DYNC2H1: variants seen among roughly 807,000 people sequenced by gnomAD.
DYNC2H1 encodes cytoplasmic dynein 2 heavy chain 1.
In DYNC2H1, 410 loss-of-function variants were observed where a neutral mutation model predicts 570.0. The observed-to-expected ratio is 0.72, with a 90% CI of 0.66 to 0.78. The LOEUF (loss-of-function observed/expected upper bound fraction) is 0.78, where lower values mean the gene tolerates loss of function less well. Ranked by LOEUF, DYNC2H1 falls within the 30% of genes least tolerant of loss-of-function variation. The pLI, the probability that DYNC2H1 is intolerant of heterozygous loss-of-function variation, is 0.00. For missense variants in DYNC2H1, 4,865 were observed against 5,046.4 expected (o/e 0.96, Z 1.09); for synonymous variants, 1,688 against 1,677.6 (o/e 1.01, Z -0.15).
chr11:103,358,242 G>C lies in DYNC2H1; in HGVS notation c.12040-1G>C. On this transcript the variant is annotated splice_acceptor_variant, in intron 82 of 88. Coordinates refer to ENST00000375735, the MANE Select transcript of DYNC2H1 (RefSeq NM_001377.3). LOFTEE classifies it high-confidence loss of function. Reference sequence around the variant, plus strand: ...TTGATACTTATTATTTTTTTATTCAGGTTATTTCACAGTTGAGGATTTTGG... The same window carrying C: ...TTGATACTTATTATTTTTTTATTCACGTTATTTCACAGTTGAGGATTTTGG... The C allele has an allele frequency of 6.5e-7, 1 of 1,529,292 alleles. No individual in the cohort carries two copies. Among genetic ancestry groups the C allele is most frequent in the South Asian group, 1.2e-5 (1 of 81,358 alleles). The allele number at this position is 1,529,292 out of a possible 1,614,324, so 94.7% of individuals were successfully genotyped here. A position where few individuals can be genotyped will look rare whatever the true frequency, so the allele number is the denominator to read the frequency against.
At chr11:103,273,980 A>G (rs1367362203) in intron 70 of DYNC2H1, among the ~76,000 whole-genome samples, 1 of 152,118 alleles carries the variant, frequency 6.6e-6, no homozygotes, top group African/African-American at 2.4e-5. Context: ...CAATTAGTTT[A>G]CTGACTCCAG....
chr11:103,290,685 C>T (rs1312587493), intron 75 of DYNC2H1, among the ~76,000 whole-genome samples: 1 of 152,116 alleles, frequency 6.6e-6, no homozygotes, highest in Non-Finnish European at 1.5e-5. Flanking sequence ...TGCCCCCCTA[C>T]TCCTATCTCT....
At chr11:103,111,369 C>G (rs1449609319) in intron 1 of DYNC2H1, among the ~76,000 whole-genome samples, 1 of 152,188 alleles carries the variant, frequency 6.6e-6, no homozygotes, top group Non-Finnish European at 1.5e-5. Flanking sequence ...ATTTAATAGC[C>G]ATAACGACAT....
In DYNC2H1 at chr11:103,109,583, C is replaced by A; in HGVS notation, c.9C>A (p.Asn3Lys). Reference sequence around the variant, plus strand: ...CTCCACCCCTTCCAATCATGGCGAACGGGACTGCGGACGTTCGGAAGCTCT... The same window carrying A: ...CTCCACCCCTTCCAATCATGGCGAAAGGGACTGCGGACGTTCGGAAGCTCT... MA[N>K]GTADVRKLFI... Residue 3 changes from asparagine (N) to lysine (K), a missense_variant, in exon 1 of 89, where the codon AAC (asparagine) becomes AAA (lysine). Asn to Lys is a moderately conservative substitution (Grantham distance 94). Coordinates refer to ENST00000375735, the MANE Select transcript of DYNC2H1 (RefSeq NM_001377.3). 1 of 1,613,526 alleles carries A rather than the reference C, an allele frequency of 6.2e-7. No homozygotes were observed. The highest frequency in any genetic ancestry group is 8.5e-7 in the Non-Finnish European group (1 of 1,179,668).
intron 88 of DYNC2H1, among the ~76,000 whole-genome samples, chr11:103,474,902 T>C (rs1317031228): frequency 6.6e-6 from 1 of 152,158 alleles, no homozygotes; most frequent in Non-Finnish European, 1.5e-5. Context: ...AAAATTGCAT[T>C]GTCTTCTTTC....
At chr11:103,393,913 A>G (rs1942281505) in intron 83 of DYNC2H1, among the ~76,000 whole-genome samples, 1 of 152,136 alleles carries the variant, frequency 6.6e-6, no homozygotes, top group Non-Finnish European at 1.5e-5. Context: ...AGATTTCATG[A>G]GACTTATTCA....
Position 103,303,132 on chromosome 11 carries a change from G to A in DYNC2H1, c.11135G>A (p.Arg3712His), listed in dbSNP as rs756326880. The A allele has an allele frequency of 5.0e-6, 8 of 1,606,840 alleles. No homozygotes were observed. Among genetic ancestry groups the A allele is most frequent in the South Asian group, 3.3e-5 (3 of 89,904 alleles). Residue 3712 changes from arginine to histidine, a missense_variant, in exon 76 of 89, where the codon CGT (arginine) becomes CAT (histidine). By Grantham distance (29) the Arg-to-His change is conservative. Around this residue, in one of 5 missense-constraint regions of DYNC2H1, gnomAD observed 2,401 missense variants for 2,454.6 expected, o/e 0.98. Coordinates refer to ENST00000375735, the MANE Select transcript of DYNC2H1 (RefSeq NM_001377.3). ...EVSPLPLNLK[R>H]LYKETLEIEP... ...TCCCCACTGCCTCTAAATCTCAAAC[G>A]TTTATACAAAGAGACACTGGAAATT...
At chr11:103,476,608 C>T (rs1591813083) in intron 88 of DYNC2H1, among the ~76,000 whole-genome samples, 1 of 151,952 alleles carries the variant, frequency 6.6e-6, no homozygotes. Context: ...AATCATTTTA[C>T]CTAGAGAATA....
chr11:103,136,372 C>A (rs1038076086), intron 17 of DYNC2H1, among the ~76,000 whole-genome samples: 3 of 150,116 alleles, frequency 2.0e-5, no homozygotes, highest in African/African-American at 4.9e-5. Flanking sequence ...CTATCCCTCC[C>A]CCCTCCCGCC....
intron 22 of DYNC2H1, among the ~76,000 whole-genome samples, chr11:103,154,135 CAT>C (rs1860696760): frequency 6.6e-6 from 1 of 151,676 alleles, no homozygotes. Flanking sequence ...TGAATATTTA[CAT>C]ATATATAATA....
intron 83 of DYNC2H1, among the ~76,000 whole-genome samples, chr11:103,391,612 C>T (rs1343325298): frequency 1.3e-5 from 2 of 152,144 alleles, no homozygotes; most frequent in Non-Finnish European, 2.9e-5. Context: ...TCTGTTTTTT[C>T]CCCATCTTTG....
In DYNC2H1 at chr11:103,114,109, G is replaced by T. The variant is rs1384968175; in HGVS notation, c.373G>T (p.Glu125Ter). ...VFAPMLLKDQEWSRNFDPKLQ... is the reference protein window; with the variant it reads ...VFAPMLLKDQ ...CTTGTCTGTTTTTATTTAGGATCAGGAATGGAGCAGAAACTTTGATCCCAA... is the reference window on the plus strand; with the variant it reads ...CTTGTCTGTTTTTATTTAGGATCAGTAATGGAGCAGAAACTTTGATCCCAA... The change falls in exon 3 of 89, where the codon GAA becomes TAA. Residue 125 changes from glutamate to a stop codon, truncating the protein, a stop_gained. Coordinates refer to ENST00000375735, the MANE Select transcript of DYNC2H1 (RefSeq NM_001377.3). LOFTEE classifies it high-confidence loss of function. The T allele has an allele frequency of 6.2e-7, 1 of 1,609,874 alleles. No homozygotes were observed. The highest frequency in any genetic ancestry group is 2.2e-5 in the East Asian group (1 of 44,772).
chr11:103,120,415 A>G lies in DYNC2H1; in HGVS notation c.1000-32A>G, dbSNP rs367587202. 96 of 1,541,354 alleles carry G rather than the reference A, an allele frequency of 6.2e-5. No homozygotes were observed. The Middle Eastern group carries it at 6.9e-4, about 11-fold the overall frequency. On this transcript the variant is annotated intron_variant, in intron 6 of 88. Coordinates refer to ENST00000375735, the MANE Select transcript of DYNC2H1 (RefSeq NM_001377.3). ...TATTTATGCAAATGGTTGGATTTAAATAAATTCTGTTGTTTTAATACTTCA... is the reference window on the plus strand; with the variant it reads ...TATTTATGCAAATGGTTGGATTTAAGTAAATTCTGTTGTTTTAATACTTCA...
At chr11:103,443,940 A>C (rs1022342598) in intron 85 of DYNC2H1, among the ~76,000 whole-genome samples, 21 of 151,924 alleles carry the variant, frequency 1.4e-4, no homozygotes, top group African/African-American at 4.8e-4. Context: ...AAATATTTCC[A>C]CATAACTCTT....
chr11:103,341,959 A>G (rs1327046467), intron 82 of DYNC2H1, among the ~76,000 whole-genome samples: 1 of 152,136 alleles, frequency 6.6e-6, no homozygotes, highest in African/African-American at 2.4e-5. Flanking sequence ...TGGGCAACAT[A>G]GTGAGACCCC....
intron 83 of DYNC2H1, among the ~76,000 whole-genome samples, chr11:103,366,136 C>T (rs72979700): frequency 0.064 from 9,773 of 152,282 alleles, 329 homozygotes; most frequent in Non-Finnish European, 0.077. Context: ...TGATGCAACT[C>T]TGGGTTTCAT....
chr11:103,124,077 T>G (rs951445233), intron 11 of DYNC2H1, among the ~76,000 whole-genome samples: 1 of 152,194 alleles, frequency 6.6e-6, no homozygotes, highest in Non-Finnish European at 1.5e-5. Context: ...TTAAATAAGC[T>G]GAATACTTTT....
In DYNC2H1 at chr11:103,358,298, A is replaced by T. The variant is rs1188419048; in HGVS notation, c.12095A>T (p.Asp4032Val). 1.3e-6 allele frequency: 2 copies of T among 1,594,644 alleles called. No individual in the cohort carries two copies. Among genetic ancestry groups the T allele is most frequent in the Non-Finnish European group, 1.7e-6 (2 of 1,169,544 alleles). The part of the protein sequence containing the change: ...GRSITAGSKF[D>V]REIWSNELSP... ...TCCATAACAGCTGGTTCCAAATTTG[A>T]TAGAGAAATCTGGTCTAATGAACTT... is the stretch of plus-strand genomic sequence containing the variant. The change falls in exon 83 of 89, where the codon GAT (aspartate) becomes GTT (valine). Residue 4032 changes from aspartate to valine, a missense_variant. Physicochemically the swap from Asp to Val is radical, Grantham distance 152 (BLOSUM62 -3). Transcript: ENST00000375735.
Position 103,215,716 on chromosome 11 carries a change from T to C in DYNC2H1, c.8695-5T>C. 1.9e-5 allele frequency: 30 copies of C among 1,592,302 alleles called. No individual in the cohort carries two copies. The highest frequency in any genetic ancestry group is 2.6e-5 in the Non-Finnish European group (30 of 1,169,824). The stretch of plus-strand genomic sequence containing the variant: ...ATATTGCCGATCAATATTTTATTGA[T>C]GTAGGCTGGTGTATCTAAACTAAAT... On this transcript the variant is annotated splice_polypyrimidine_tract_variant and splice_region_variant and intron_variant, in intron 54 of 88. Coordinates refer to ENST00000375735, the MANE Select transcript of DYNC2H1 (RefSeq NM_001377.3).
Sources: gnomAD v4.1 joint callset for allele counts (sites outside exome capture counted in the v4.1 genomes callset) on GRCh38, gnomAD v4.1.1 for gene constraint, gnomAD v4.1.1 regional missense constraint, MANE v1.5 for transcripts, NCBI Gene and HGNC (gene_info 2026-07-23, HGNC 2026-07-21) for gene names.